The following SLC6A13 variants were observed in gnomAD, a reference collection of about 807,000 sequenced individuals.
SLC6A13 encodes solute carrier family 6 member 13, also known as sodium- and chloride-dependent GABA transporter 2.
A neutral mutation model predicts 72.9 loss-of-function variants in SLC6A13; 69 were observed. The observed-to-expected ratio is 0.95, with a 90% CI of 0.78 to 1.16. SLC6A13 has a LOEUF of 1.16. Among genes scored for constraint, SLC6A13 ranks in the 50% most tolerant of loss-of-function variants. The pLI is 0.00. For missense variants in SLC6A13, 735 were observed against 760.5 expected (o/e 0.97, Z 0.39); for synonymous variants, 303 against 303.0 (o/e 1.00, Z 0.00).
chr12:257,663 C>A (rs909449970), intron 2 of SLC6A13, among the ~76,000 whole-genome samples: 3 of 152,282 alleles, frequency 2.0e-5, no homozygotes, highest in African/African-American at 7.2e-5. Flanking sequence ...TGCGTTCCCA[C>A]ACAAGACACA....
intron 4 of SLC6A13, among the ~76,000 whole-genome samples, chr12:241,181 G>A (rs1003653710): frequency 6.6e-6 from 1 of 152,128 alleles, no homozygotes; most frequent in African/African-American, 2.4e-5. Flanking sequence ...GCAGGCGCCT[G>A]TAATCCCATC....
intron 4 of SLC6A13, among the ~76,000 whole-genome samples, chr12:240,355 C>T (rs964619288): frequency 4.6e-5 from 7 of 152,092 alleles, no homozygotes; most frequent in African/African-American, 7.2e-5. Flanking sequence ...GGGTGTGCAC[C>T]ACCACCCCTG....
intron 8 of SLC6A13, chr12:226,963 T>G (rs1203637548): frequency 6.0e-6 from 1 of 167,048 alleles, no homozygotes; most frequent in Non-Finnish European, 1.3e-5. Context: ...TTCAGCTGTG[T>G]TTCAGCGTGT....
chr12:242,529 T>A, intron 4 of SLC6A13, 85 bp downstream of exon 4: 1 of 1,229,348 alleles, frequency 8.1e-7, no homozygotes, highest in Non-Finnish European at 1.1e-6. Flanking sequence ...TGTGTCCGTG[T>A]TAAGCGGGGA....
chr12:221,519 AC>A lies in SLC6A13; in HGVS notation c.1542del (p.Lys514AsnfsTer5). The A allele has an allele frequency of 6.2e-7, 1 of 1,606,314 alleles. No individual in the cohort carries two copies. The highest frequency in any genetic ancestry group is 1.7e-5 in the Admixed American group (1 of 59,048). ...CTATFLFSLI[K>X]YTPLTYNKKY... ...TTCTTGTTGTAGGTCAGCGGAGTGT[AC>A]TTTATCAGGGAGAAGAGAAAGGTGG... is the stretch of plus-strand genomic sequence containing the variant. On this transcript the variant is annotated frameshift_variant, in exon 14 of 15. Coordinates refer to ENST00000343164, the MANE Select transcript of SLC6A13 (RefSeq NM_016615.5). LOFTEE classifies it high-confidence loss of function.
Position 220,626 on chromosome 12 carries a change from C to CG in SLC6A13, c.*321dup. On this transcript the variant is annotated 3_prime_UTR_variant, in exon 15 of 15. Coordinates refer to ENST00000343164, the MANE Select transcript of SLC6A13 (RefSeq NM_016615.5). ...ATCAGACAGAACCGCTAGCAGTCAG[C>CG]GGGAAGAATGTGGATTTAATGGAAT... 3.2e-6 allele frequency: 1 copy of CG among 313,548 alleles called. No individual in the cohort carries two copies. Among genetic ancestry groups the CG allele is most frequent in the Non-Finnish European group, 6.1e-6 (1 of 163,766 alleles). 19.4% of individuals were successfully genotyped at this position (313,548 alleles called of 1,614,324 possible).
chr12:228,845 C>T (rs1440149168), intron 7 of SLC6A13, among the ~76,000 whole-genome samples: 12 of 152,174 alleles, frequency 7.9e-5, no homozygotes, highest in Admixed American at 7.9e-4. Context: ...ATCCCTAGGC[C>T]TGAAGGAGAA....
In SLC6A13 at chr12:224,099, G is replaced by A. The variant is rs41306938; in HGVS notation, c.1204C>T (p.Leu402=). ...FVCVESLVTA[L]VDMYPHVFRK... is the part of the protein sequence containing the mutation. ...AACACGTGAGGGTACATGTCCACCA[G>A]CGCTGTCACCAGGCTTTCTACACAC... Residue 402 remains leucine (L), a synonymous_variant, in exon 11 of 15, where the codon CTG becomes TTG. Coordinates refer to ENST00000343164, the MANE Select transcript of SLC6A13 (RefSeq NM_016615.5). The A allele has an allele frequency of 1.2e-6, 2 of 1,614,200 alleles. No individual in the cohort carries two copies. Among genetic ancestry groups the A allele is most frequent in the Middle Eastern group, 1.6e-4 (1 of 6,062 alleles).
intron 13 of SLC6A13, 46 bp downstream of exon 13, chr12:222,486 C>A: frequency 3.2e-6 from 4 of 1,268,844 alleles, no homozygotes; most frequent in Non-Finnish European, 3.4e-6. Context: ...TGCTAGCCAC[C>A]GTCTCTCCCT....
intron 8 of SLC6A13, among the ~76,000 whole-genome samples, chr12:227,203 G>GT (rs3837516): frequency 6.6e-6 from 1 of 151,774 alleles, no homozygotes; most frequent in African/African-American, 2.4e-5. Context: ...AATGAAACCA[G>GT]TTTTTTTTCT....
intron 1 of SLC6A13, among the ~76,000 whole-genome samples, chr12:261,628 T>C (rs1309975961): frequency 6.6e-6 from 1 of 152,158 alleles, no homozygotes; most frequent in African/African-American, 2.4e-5. Flanking sequence ...CCCAGAAAAT[T>C]AGAAAGTCAG....
chr12:239,331 C>CT (rs1942077101), intron 4 of SLC6A13, among the ~76,000 whole-genome samples: 1 of 143,166 alleles, frequency 7.0e-6, no homozygotes, highest in African/African-American at 2.7e-5. Flanking sequence ...CACCATTCCC[C>CT]TCAGCCACCG....
chr12:247,581 A>G (rs575352296), intron 2 of SLC6A13, among the ~76,000 whole-genome samples: 6 of 152,356 alleles, frequency 3.9e-5, no homozygotes, highest in African/African-American at 1.4e-4. Context: ...GAACTGAACT[A>G]CCAGAAATGT....
rs1941175101 is a variant in SLC6A13, at chr12:220,956, G to A, written c.1801C>T (p.His601Tyr). Residue 601 changes from histidine to tyrosine, a missense_variant, in exon 15 of 15, where the codon CAC (histidine) becomes TAC (tyrosine). Coordinates refer to ENST00000343164, the MANE Select transcript of SLC6A13 (RefSeq NM_016615.5). ...SLLRLTELES[H>Y]C ...ATCCAAGGGCCTGCCCCCTAGCAGT[G>A]AGACTCTAGCTCTGTGAGTCTGAGC... The A allele has an allele frequency of 6.2e-7, 1 of 1,612,666 alleles. No homozygotes were observed. The highest frequency in any genetic ancestry group is 1.7e-5 in the Admixed American group (1 of 60,002).
Position 227,611 on chromosome 12 carries a change from G to A in SLC6A13, c.889C>T (p.Leu297=). 1 of 1,613,952 alleles carries A rather than the reference G, an allele frequency of 6.2e-7. No individual in the cohort carries two copies. Residue 297 remains leucine, a synonymous_variant, in exon 8 of 15, where the codon CTG becomes TTG. Transcript: ENST00000343164. ...FFSFAICLGC[L]TALGSYNKYH... is the part of the protein sequence containing the mutation. ...TTGTTGTAGCTGCCCAGGGCTGTCAGGCACCCAAGACAGATGGCGAAGGAG... is the reference window on the plus strand; with the variant it reads ...TTGTTGTAGCTGCCCAGGGCTGTCAAGCACCCAAGACAGATGGCGAAGGAG...
At chr12:259,575 T>C in intron 2 of SLC6A13, 4 of 1,411,564 alleles carry the variant, frequency 2.8e-6, no homozygotes, top group Non-Finnish European at 1.8e-6. Flanking sequence ...CACAGAGTGT[T>C]AAGTAGCAGA....
At chr12:235,590 T>G (rs1241805847) in intron 6 of SLC6A13, among the ~76,000 whole-genome samples, 4 of 151,982 alleles carry the variant, frequency 2.6e-5, no homozygotes, top group Non-Finnish European at 5.9e-5. Context: ...TTGTATTAAC[T>G]GTACAAATTG....
At chr12:224,937 C>A (rs887442520) in intron 9 of SLC6A13, among the ~76,000 whole-genome samples, 2 of 152,164 alleles carry the variant, frequency 1.3e-5, no homozygotes, top group Admixed American at 1.3e-4. Context: ...CGCCCCAGCT[C>A]CTCGCGATGT....
intron 2 of SLC6A13, among the ~76,000 whole-genome samples, chr12:257,097 A>G (rs1209049522): frequency 6.6e-6 from 1 of 152,158 alleles, no homozygotes; most frequent in African/African-American, 2.4e-5. Flanking sequence ...GGAGAATGAC[A>G]AGATGAAGTT....
Sources: gnomAD v4.1 joint callset for allele counts (sites outside exome capture counted in the v4.1 genomes callset) on GRCh38, gnomAD v4.1.1 for gene constraint, MANE v1.5 for transcripts, NCBI Gene and HGNC (gene_info 2026-07-23, HGNC 2026-07-21) for gene names.